The following XXYLT1 variants were observed in gnomAD, a reference collection of about 807,000 sequenced individuals.
XXYLT1 encodes UDP-xylose:alpha-xyloside alpha-1,3-xylosyltransferase.
XXYLT1 carries 20 observed loss-of-function variants against 28.9 expected under a neutral mutation model. That is an observed-to-expected ratio of 0.69 (90% CI 0.49 to 1.00). The LOEUF is 1.00. Among genes scored for constraint, XXYLT1 ranks in the 50% least tolerant of loss-of-function variants. The pLI, the probability that XXYLT1 is intolerant of heterozygous loss-of-function variation, is 0.00. For synonymous variants in XXYLT1, 257 were observed against 253.8 expected (o/e 1.01, Z -0.12); for missense variants, 542 against 560.1 (o/e 0.97, Z 0.33).
intron 3 of XXYLT1, among the ~76,000 whole-genome samples, chr3:195,110,820 G>A (rs1231418347): frequency 1.2e-5 from 1 of 84,178 alleles, no homozygotes; most frequent in Non-Finnish European, 2.5e-5. Context: ...TGTGTGTGGT[G>A]TATAAGTGTG....
chr3:195,182,276 A>G (rs1317870614), intron 2 of XXYLT1, among the ~76,000 whole-genome samples: 1 of 152,216 alleles, frequency 6.6e-6, no homozygotes, highest in East Asian at 1.9e-4. Context: ...AGCACTTAGA[A>G]TAGTGACTAA....
intron 3 of XXYLT1, among the ~76,000 whole-genome samples, chr3:195,125,461 C>T (rs535803452): frequency 2.0e-5 from 3 of 152,284 alleles, no homozygotes; most frequent in Admixed American, 1.3e-4. Context: ...ACCGGAGGGG[C>T]GTAGGAAGGA....
rs180985542 is a variant in XXYLT1, at chr3:195,256,447, C to T, written c.504+14108G>A. On this transcript the variant is annotated intron_variant, in intron 1 of 3. Coordinates refer to ENST00000310380, the MANE Select transcript of XXYLT1 (RefSeq NM_152531.5). The surrounding 1 kb of genome is among the most constrained non-coding windows in gnomAD (Gnocchi z 4.2). The stretch of plus-strand genomic sequence containing the variant: ...GTGCGGCCCTGCACAGGGCAGGGCC[C>T]GAGAAACGAACCAGTACCTCCCAGA... The T allele has an allele frequency of 3.4e-5, 33 of 983,892 alleles. No homozygotes were observed. Among genetic ancestry groups the T allele is most frequent in the Non-Finnish European group, 4.0e-5 (33 of 828,604 alleles). The allele number at this position is 983,892 out of a possible 1,614,324, so 60.9% of individuals were successfully genotyped here.
In XXYLT1 at chr3:195,124,978, G is replaced by A. The variant is rs916748702; in HGVS notation, c.785+31471C>T. 6.6e-6 allele frequency among the ~76,000 whole-genome samples: 1 copy of A among 152,218 alleles called. No individual in the cohort carries two copies. Among genetic ancestry groups the A allele is most frequent in the Non-Finnish European group, 1.5e-5 (1 of 68,040 alleles). On this transcript the variant is annotated intron_variant, in intron 3 of 3. Coordinates refer to ENST00000310380, the MANE Select transcript of XXYLT1 (RefSeq NM_152531.5). The surrounding 1 kb of genome is among the most constrained non-coding windows in gnomAD (Gnocchi z 4.1). ...AGCAGTACGAATAAATGGCATCTCA[G>A]CTTCTTTCAAGCTAACCCATTCTTT... is the stretch of plus-strand genomic sequence containing the variant.
At chr3:195,238,922 G>C (rs190493204) in intron 1 of XXYLT1, among the ~76,000 whole-genome samples, 1 of 152,324 alleles carries the variant, frequency 6.6e-6, no homozygotes, top group East Asian at 1.9e-4. Context: ...TACACGCAGA[G>C]CAGGGCTGCT....
At chr3:195,199,928 G>A (rs1243787990) in intron 2 of XXYLT1, among the ~76,000 whole-genome samples, 1 of 152,218 alleles carries the variant, frequency 6.6e-6, no homozygotes, top group Non-Finnish European at 1.5e-5. Context: ...GTAGAAAGGA[G>A]CATTCCATGT....
chr3:195,138,886 GAA>G, intron 3 of XXYLT1, among the ~76,000 whole-genome samples: 1 of 148,238 alleles, frequency 6.7e-6, no homozygotes, highest in South Asian at 2.2e-4. Flanking sequence ...AAGAAAGAAA[GAA>G]AGAAAGAAAA....
chr3:195,082,230 G>A (rs564477107), intron 3 of XXYLT1, among the ~76,000 whole-genome samples: 7 of 152,190 alleles, frequency 4.6e-5, no homozygotes, highest in Non-Finnish European at 8.8e-5. Flanking sequence ...CAACCACTAT[G>A]CTTATTTGCT....
chr3:195,115,114 T>G lies in XXYLT1; in HGVS notation c.785+41335A>C, dbSNP rs142853679. On this transcript the variant is annotated intron_variant, in intron 3 of 3. Transcript: ENST00000310380. The surrounding 1 kb of genome is among the most constrained non-coding windows in gnomAD (Gnocchi z 4.2). ...AACGAGGGAAACTAAGCTTCCCAGA[T>G]GCCCAAACGGCGAGAGCTCGGGACG... 1.3e-5 allele frequency among the ~76,000 whole-genome samples: 2 copies of G among 152,200 alleles called. No individual in the cohort carries two copies. The highest frequency in any genetic ancestry group is 2.9e-5 in the Non-Finnish European group (2 of 68,026).
intron 1 of XXYLT1, among the ~76,000 whole-genome samples, chr3:195,254,654 G>A (rs889423734): frequency 3.3e-5 from 5 of 152,218 alleles, no homozygotes; most frequent in African/African-American, 1.2e-4. Context: ...GTGAGCAGGT[G>A]AGCCACTGAG....
chr3:195,112,447 CCCACACGCATGT>C (rs1406439566), intron 3 of XXYLT1, among the ~76,000 whole-genome samples: 1 of 151,244 alleles, frequency 6.6e-6, no homozygotes, highest in East Asian at 1.9e-4. Flanking sequence ...CGCACGCACA[CCCACACGCATGT>C]GCACACCCAC....
chr3:195,104,335 T>C (rs1716974182), intron 3 of XXYLT1, among the ~76,000 whole-genome samples: 1 of 151,354 alleles, frequency 6.6e-6, no homozygotes, highest in Admixed American at 6.6e-5. Context: ...AGACAAGAAG[T>C]AGCAAGCAGA....
At chr3:195,100,169 G>T (rs190460835) in intron 3 of XXYLT1, among the ~76,000 whole-genome samples, 1 of 152,102 alleles carries the variant, frequency 6.6e-6, no homozygotes, top group Non-Finnish European at 1.5e-5. Context: ...TGCTTCATGC[G>T]ACAGGCAAGG....
At chr3:195,075,426 C>T (rs1276042349) in intron 3 of XXYLT1, among the ~76,000 whole-genome samples, 1 of 152,200 alleles carries the variant, frequency 6.6e-6, no homozygotes, top group African/African-American at 2.4e-5. Context: ...TCCAGGGTCA[C>T]GCTGCTGAAA....
At chr3:195,130,441 T>C (rs1718846578) in intron 3 of XXYLT1, among the ~76,000 whole-genome samples, 1 of 152,216 alleles carries the variant, frequency 6.6e-6, no homozygotes, top group African/African-American at 2.4e-5. Flanking sequence ...CTTTATAACC[T>C]TTAGCTGTGG....
chr3:195,192,185 G>A (rs60356340), intron 2 of XXYLT1, among the ~76,000 whole-genome samples: 7,775 of 152,184 alleles, frequency 0.051, 607 homozygotes, highest in African/African-American at 0.18. Flanking sequence ...CACTTTGGGA[G>A]GCTGAGGCAG....
At chr3:195,131,500 A>G (rs941300892) in intron 3 of XXYLT1, among the ~76,000 whole-genome samples, 6 of 152,238 alleles carry the variant, frequency 3.9e-5, no homozygotes, top group Non-Finnish European at 7.3e-5. Context: ...AGTCACAAAG[A>G]ATGGCTTGGA....
intron 3 of XXYLT1, among the ~76,000 whole-genome samples, chr3:195,084,545 G>A (rs1343478175): frequency 6.6e-6 from 1 of 152,190 alleles, no homozygotes; most frequent in African/African-American, 2.4e-5. Context: ...TCAGTGTAAT[G>A]TATTTCATGC....
At chr3:195,090,547 T>C (rs2108660513) in intron 3 of XXYLT1, among the ~76,000 whole-genome samples, 1 of 151,346 alleles carries the variant, frequency 6.6e-6, no homozygotes, top group East Asian at 1.9e-4. Context: ...GGGACATTTA[T>C]AGCACTAAAT....
Sources: gnomAD v4.1 joint callset for allele counts (sites outside exome capture counted in the v4.1 genomes callset) on GRCh38, gnomAD v4.1.1 for gene constraint, Gnocchi (gnomAD v3.1) non-coding constraint, MANE v1.5 for transcripts, NCBI Gene and HGNC (gene_info 2026-07-23, HGNC 2026-07-21) for gene names.